Variants in CRISP1 observed in about 807,000 individuals in gnomAD.
CRISP1 encodes cysteine rich secretory protein 1.
In CRISP1, 44 loss-of-function variants were observed where a neutral mutation model predicts 33.1. The ratio of observed to expected loss-of-function variants is 1.33; its 90% confidence interval spans 1.05 to 1.71. CRISP1 has a LOEUF of 1.71. CRISP1 is among the 40% of genes most tolerant of loss of function. CRISP1 has a pLI of 0.00. For missense variants in CRISP1, 390 were observed against 301.2 expected, an observed-to-expected ratio of 1.29 and a Z score of -2.18; for synonymous variants, 103 against 98.7, an observed-to-expected ratio of 1.04 and a Z score of -0.26.
chr6:49,857,203 C>T (rs1189366830), intron 2 of CRISP1, 132 bp downstream of exon 2: 3 of 747,700 alleles, frequency 4.0e-6, no homozygotes, highest in Non-Finnish European at 6.6e-6. Context: ...CCTAACAGGG[C>T]TATTGTGAAA....
chr6:49,875,061 G>A (rs1772006734), intron 1 of CRISP1, among the ~76,000 whole-genome samples: 1 of 152,006 alleles, frequency 6.6e-6, no homozygotes, highest in Non-Finnish European at 1.5e-5. Flanking sequence ...TATGGCCTGG[G>A]CAATCAGGCA....
chr6:49,837,551 T>C (rs1003417671), intron 7 of CRISP1, among the ~76,000 whole-genome samples: 2 of 151,336 alleles, frequency 1.3e-5, no homozygotes, highest in Non-Finnish European at 2.9e-5. Context: ...GGGAGACAGA[T>C]AGAGAAGTAA....
intron 2 of CRISP1, among the ~76,000 whole-genome samples, chr6:49,854,592 C>T (rs1214625558): frequency 2.0e-5 from 3 of 152,188 alleles, no homozygotes; most frequent in African/African-American, 7.2e-5. Flanking sequence ...TACATCACTT[C>T]CCCATTCAAC....
intron 1 of CRISP1, among the ~76,000 whole-genome samples, chr6:49,873,630 AG>A (rs1231863735): frequency 6.6e-6 from 1 of 152,126 alleles, no homozygotes; most frequent in Non-Finnish European, 1.5e-5. Context: ...CAAAAGGAAC[AG>A]AGTTATTTAT....
chr6:49,875,053 T>C (rs1320730743), intron 1 of CRISP1, among the ~76,000 whole-genome samples: 1 of 152,064 alleles, frequency 6.6e-6, no homozygotes, highest in Non-Finnish European at 1.5e-5. Context: ...TTGGAAATTA[T>C]GGCCTGGGCA....
chr6:49,837,587 C>A (rs191946379), intron 7 of CRISP1, among the ~76,000 whole-genome samples: 39 of 151,744 alleles, frequency 2.6e-4, no homozygotes, highest in African/African-American at 9.4e-4. Context: ...AGAAGAGAAA[C>A]GAGAGAAAGG....
chr6:49,844,534 T>C (rs984740560), intron 5 of CRISP1, among the ~76,000 whole-genome samples: 9 of 137,602 alleles, frequency 6.5e-5, no homozygotes, highest in African/African-American at 2.0e-4. Context: ...ACAGCCATGT[T>C]AGCAGGGCCT....
intron 1 of CRISP1, among the ~76,000 whole-genome samples, chr6:49,861,306 C>A (rs781621117): frequency 4.6e-5 from 7 of 152,044 alleles, no homozygotes; most frequent in African/African-American, 1.7e-4. Context: ...AATCTATAGG[C>A]CAATATCCCT....
At chr6:49,848,550 G>GTAGAGAAT (rs1454223446) in intron 3 of CRISP1, among the ~76,000 whole-genome samples, 4 of 152,132 alleles carry the variant, frequency 2.6e-5, no homozygotes, top group African/African-American at 9.7e-5. Context: ...CTCAGATGTA[G>GTAGAGAAT]TAGAGAATTT....
intron 1 of CRISP1, 80 bp downstream of exon 1, chr6:49,866,349 A>T (rs1771797977): frequency 6.6e-6 from 1 of 152,208 alleles, no homozygotes; most frequent in African/African-American, 2.4e-5. Flanking sequence ...CTCATTTAAC[A>T]TTATAACAAT....
intron 4 of CRISP1, among the ~76,000 whole-genome samples, chr6:49,847,836 G>A (rs749050780): frequency 1.3e-5 from 2 of 152,012 alleles, no homozygotes; most frequent in Admixed American, 6.6e-5. Flanking sequence ...CTGCATTATC[G>A]TTCCAAAGCT....
chr6:49,858,774 CT>C (rs1433410376), intron 1 of CRISP1, among the ~76,000 whole-genome samples: 1 of 151,868 alleles, frequency 6.6e-6, no homozygotes, highest in Non-Finnish European at 1.5e-5. Flanking sequence ...CCTGAGGTAA[CT>C]GAAACAAAAA....
At chr6:49,848,786 A>G (rs1427437596) in intron 3 of CRISP1, among the ~76,000 whole-genome samples, 1 of 152,182 alleles carries the variant, frequency 6.6e-6, no homozygotes, top group East Asian at 1.9e-4. Context: ...AGAAGCAAGT[A>G]TAGAGTCATA....
chr6:49,865,178 A>G (rs1771767507), intron 1 of CRISP1, among the ~76,000 whole-genome samples: 2 of 152,202 alleles, frequency 1.3e-5, no homozygotes, highest in African/African-American at 4.8e-5. Context: ...TATGTAATAC[A>G]GAAACAAATT....
At chr6:49,847,694 G>GTT (rs11317901) in intron 4 of CRISP1, among the ~76,000 whole-genome samples, 1 of 151,482 alleles carries the variant, frequency 6.6e-6, no homozygotes, top group African/African-American at 2.4e-5. Flanking sequence ...AAGCAATAAT[G>GTT]TTTTTTTTTA....
chr6:49,835,273 C>T lies in CRISP1; in HGVS notation c.*43G>A. The stretch of plus-strand genomic sequence containing the variant: ...AAGACATGAATCCAACAGACATCTC[C>T]TCCTCATCGTCACAGCATAGAACAG... On this transcript the variant is annotated 3_prime_UTR_variant, in exon 8 of 8. Coordinates refer to ENST00000335847, the MANE Select transcript of CRISP1 (RefSeq NM_001131.3). 6.3e-7 allele frequency: 1 copy of T among 1,595,066 alleles called. No homozygotes were observed. Among genetic ancestry groups the T allele is most frequent in the Non-Finnish European group, 8.5e-7 (1 of 1,169,688 alleles).
intron 1 of CRISP1, among the ~76,000 whole-genome samples, chr6:49,859,428 A>G (rs1771585298): frequency 6.6e-6 from 1 of 151,852 alleles, no homozygotes; most frequent in Admixed American, 6.6e-5. Context: ...ACATCCACCT[A>G]TGGATACTAT....
chr6:49,864,384 CTGTG>C (rs3997164), intron 1 of CRISP1, among the ~76,000 whole-genome samples: 51,450 of 142,086 alleles, frequency 0.36, 8,878 homozygotes, highest in Admixed American at 0.44. Flanking sequence ...TTGCTATTCA[CTGTG>C]TGTGTGTGTG....
At chr6:49,850,514 C>G (rs925891437) in intron 3 of CRISP1, among the ~76,000 whole-genome samples, 6 of 151,754 alleles carry the variant, frequency 4.0e-5, no homozygotes, top group African/African-American at 1.5e-4. Flanking sequence ...TAAAGAAAAT[C>G]TCTGCCTGGT....
Sources: gnomAD v4.1 joint callset for allele counts (sites outside exome capture counted in the v4.1 genomes callset) on GRCh38, gnomAD v4.1.1 for gene constraint, MANE v1.5 for transcripts, NCBI Gene and HGNC (gene_info 2026-07-23, HGNC 2026-07-21) for gene names.